Variants in SH3BP1 observed in about 807,000 individuals in gnomAD.
SH3BP1 encodes the protein SH3 domain binding protein 1.
SH3BP1 carries 46 observed loss-of-function variants against 69.8 expected under a neutral mutation model. The ratio of observed to expected loss-of-function variants is 0.66; its 90% CI spans 0.52 to 0.84. The LOEUF (loss-of-function observed/expected upper bound fraction) is 0.84, where lower values mean the gene tolerates loss of function less well. SH3BP1 is among the 40% of genes least tolerant of loss of function. The pLI is 0.00. For synonymous variants in SH3BP1, 403 were observed against 378.0 expected, an observed-to-expected ratio of 1.07 and a Z score of -0.77; for missense variants, 868 against 930.9, an observed-to-expected ratio of 0.93 and a Z score of 0.88.
Position 37,655,570 on chromosome 22 carries a change from C to A in SH3BP1, c.1992C>A (p.Asp664Glu). ...CTTTGAGTAACCCTGCACAGGTGGA[C>A]CTGGGGGCTGCCACAGCAGAGGGAG... ...PVSLSNPAQV[D>E]LGAATAEGGA... The change falls in exon 18 of 18, where the codon GAC becomes GAA. Residue 664 changes from aspartate (D) to glutamate (E), a missense_variant. Asp to Glu is a conservative substitution (Grantham distance 45). Coordinates refer to ENST00000649765, the MANE Select transcript of SH3BP1 (RefSeq NM_018957.6). 1 of 1,591,694 alleles carries A rather than the reference C, an allele frequency of 6.3e-7. No homozygotes were observed. Among genetic ancestry groups the A allele is most frequent in the Non-Finnish European group, 8.5e-7 (1 of 1,169,892 alleles).
intron 1 of SH3BP1, 22 bp from the exon 2 acceptor site, chr22:37,641,104 C>CG (rs1932569974): frequency 1.4e-5 from 18 of 1,286,802 alleles, no homozygotes; most frequent in African/African-American, 4.5e-5. Context: ...ACTCTCCCCC[C>CG]CCCCCCCACC....
intron 11 of SH3BP1, 102 bp from the exon 12 acceptor site, chr22:37,647,165 C>T (rs1932799161): frequency 2.9e-6 from 3 of 1,049,960 alleles, no homozygotes; most frequent in Admixed American, 1.8e-5. Flanking sequence ...AACTGTCAGA[C>T]CTAGACACGT....
chr22:37,647,759 T>A (rs940719649), intron 13 of SH3BP1, among the ~76,000 whole-genome samples: 3 of 151,848 alleles, frequency 2.0e-5, no homozygotes, highest in Non-Finnish European at 4.4e-5. Flanking sequence ...CACTGCAACC[T>A]CCGCCTCCTG....
intron 16 of SH3BP1, among the ~76,000 whole-genome samples, chr22:37,651,946 CAGAGACCCG>C (rs1473742333): frequency 6.6e-6 from 1 of 151,998 alleles, no homozygotes; most frequent in East Asian, 1.9e-4. Flanking sequence ...AACGACCAAG[CAGAGACCCG>C]AAGGCAGTGA....
chr22:37,656,062 GT>G lies in SH3BP1; in HGVS notation c.*382del. 1.5e-6 allele frequency: 2 copies of G among 1,354,502 alleles called. No individual in the cohort carries two copies. Among genetic ancestry groups the G allele is most frequent in the Non-Finnish European group, 1.9e-6 (2 of 1,027,492 alleles). 83.9% of individuals were successfully genotyped at this position (1,354,502 alleles called of 1,614,324 possible). A position where few individuals can be genotyped will look rare whatever the true frequency, so the allele number is the denominator to read the frequency against. ...AACTGGAGCAGCTGCCCAAATGATA[GT>G]TTTATTTTCTGTCCTTGAAATAAAG... On this transcript the variant is annotated 3_prime_UTR_variant, in exon 18 of 18. Transcript: ENST00000649765.
At chr22:37,639,926 T>TGGGGGGTGCGGGGGGG in intron 1 of SH3BP1, 80 bp downstream of exon 1, 3 of 496,948 alleles carry the variant, frequency 6.0e-6, no homozygotes, top group Non-Finnish European at 1.1e-5. Flanking sequence ...GAGACGGGGG[T>TGGGGGGTGCGGGGGGG]GGGGGAGGCT....
At chr22:37,654,721 A>G (rs998804690) in intron 17 of SH3BP1, among the ~76,000 whole-genome samples, 12 of 152,210 alleles carry the variant, frequency 7.9e-5, no homozygotes, top group Non-Finnish European at 1.8e-4. Context: ...ACTGACACTC[A>G]GTGGAGGCAA....
chr22:37,648,592 G>A (rs1932823515), intron 14 of SH3BP1, among the ~76,000 whole-genome samples, 157 bp downstream of exon 14: 1 of 152,158 alleles, frequency 6.6e-6, no homozygotes, highest in Non-Finnish European at 1.5e-5. Flanking sequence ...GGCCAAAGGG[G>A]CTGTGCAGGC....
intron 16 of SH3BP1, among the ~76,000 whole-genome samples, chr22:37,651,648 G>A (rs56283224): frequency 0.067 from 10,253 of 152,020 alleles, 411 homozygotes; most frequent in South Asian, 0.14. Flanking sequence ...CTCTTTGATC[G>A]TTTAAATCTG....
Position 37,648,311 on chromosome 22 carries a change from G to A in SH3BP1, c.1200-8G>A, listed in dbSNP as rs370270108. 67 of 1,575,072 alleles carry A rather than the reference G, an allele frequency of 4.3e-5. No individual in the cohort carries two copies. The highest frequency in any genetic ancestry group is 1.5e-4 in the African/African-American group (11 of 74,546). On this transcript the variant is annotated splice_region_variant and splice_polypyrimidine_tract_variant and intron_variant, in intron 13 of 17. Transcript: ENST00000649765. ...CTGCCCCTGGCCTAAGCCTGCCTCCGCCCTTAGGTACCTGATGAAGTTCCT... is the reference window on the plus strand; with the variant it reads ...CTGCCCCTGGCCTAAGCCTGCCTCCACCCTTAGGTACCTGATGAAGTTCCT...
chr22:37,653,775 G>T lies in SH3BP1; in HGVS notation c.1599-4G>T. On this transcript the variant is annotated splice_polypyrimidine_tract_variant and splice_region_variant and intron_variant, in intron 16 of 17. Coordinates refer to ENST00000649765, the MANE Select transcript of SH3BP1 (RefSeq NM_018957.6). ...TCTGCCCCATCCTCTCCTTCCCTCTGCAGGACAGAGTCTGAGGTGCCTCCC... is the reference window on the plus strand; with the variant it reads ...TCTGCCCCATCCTCTCCTTCCCTCTTCAGGACAGAGTCTGAGGTGCCTCCC... 9 of 1,610,004 alleles carry T rather than the reference G, an allele frequency of 5.6e-6. No individual in the cohort carries two copies. In the South Asian group the frequency reaches 9.9e-5, roughly 18 times the overall value.
chr22:37,642,574 G>C lies in SH3BP1; in HGVS notation c.243G>C (p.Met81Ile). 6.2e-7 allele frequency: 1 copy of C among 1,613,358 alleles called. No individual in the cohort carries two copies. Among genetic ancestry groups the C allele is most frequent in the Non-Finnish European group, 8.5e-7 (1 of 1,179,996 alleles). ...CCCTCATGGCTCTGTCCACCACGAT[G>C]GCTGAGAGCTTCAAGGAGCTGGACC... Reference protein sequence around the residue: ...KLPLMALSTTMAESFKELDPD... With the variant: ...KLPLMALSTTIAESFKELDPD... Residue 81 changes from methionine to isoleucine, a missense_variant, in exon 4 of 18, where the codon ATG (methionine) becomes ATC (isoleucine). Met to Ile is a conservative substitution (Grantham distance 10, BLOSUM62 1). Coordinates refer to ENST00000649765, the MANE Select transcript of SH3BP1 (RefSeq NM_018957.6).
intron 16 of SH3BP1, among the ~76,000 whole-genome samples, chr22:37,651,419 T>G (rs993250053): frequency 1.0e-4 from 15 of 150,436 alleles, no homozygotes; most frequent in Non-Finnish European, 1.8e-4. Context: ...ACTTGCAGCC[T>G]CCCGGGTTCA....
chr22:37,651,898 T>G (rs1932886859), intron 16 of SH3BP1, among the ~76,000 whole-genome samples: 1 of 151,888 alleles, frequency 6.6e-6, no homozygotes, highest in Non-Finnish European at 1.5e-5. Context: ...TGGGGGCTAC[T>G]TTAGCTGTGG....
chr22:37,646,995 C>G, intron 11 of SH3BP1, 66 bp downstream of exon 11: 2 of 1,049,338 alleles, frequency 1.9e-6, no homozygotes, highest in South Asian at 3.2e-5. Flanking sequence ...TTGAAACGAT[C>G]CCAAGATAGC....
rs898394006 is a variant in SH3BP1, at chr22:37,641,110, C to A, written c.60-16C>A. ...AGCAGAAGCACTCTCCCCCCCCCCC[C>A]CACCACTCCCCGCAGCACCCCGGAG... On this transcript the variant is annotated splice_polypyrimidine_tract_variant and intron_variant, in intron 1 of 17. Transcript: ENST00000649765. The A allele has an allele frequency of 2.5e-5, 36 of 1,422,222 alleles. No individual in the cohort carries two copies. The highest frequency in any genetic ancestry group is 7.9e-5 in the South Asian group (6 of 76,160). 88.1% of individuals were successfully genotyped at this position (1,422,222 alleles called of 1,614,324 possible). A position where few individuals can be genotyped will look rare whatever the true frequency, so the allele number is the denominator to read the frequency against.
In SH3BP1 at chr22:37,641,108, CCCCA is replaced by C. The variant is rs1569004564; in HGVS notation, c.60-15_60-12del. 1.4e-5 allele frequency: 19 copies of C among 1,388,426 alleles called. No individual in the cohort carries two copies. In the African/African-American group the frequency reaches 1.6e-4, roughly 12 times the overall value. The allele number at this position is 1,388,426 out of a possible 1,614,324, so 86.0% of individuals were successfully genotyped here. ...TCAGCAGAAGCACTCTCCCCCCCCC[CCCCA>C]CCACTCCCCGCAGCACCCCGGAGAC... On this transcript the variant is annotated splice_polypyrimidine_tract_variant and intron_variant, in intron 1 of 17. Coordinates refer to ENST00000649765, the MANE Select transcript of SH3BP1 (RefSeq NM_018957.6).
rs1042562021 is a variant in SH3BP1, at chr22:37,644,760, C to T, written c.687+55C>T. ...AGAGTTCAGGGGCTGAATGCCAGAGCCAGGGGCCACTGGGGCTCTAAGATG... is the reference window on the plus strand; with the variant it reads ...AGAGTTCAGGGGCTGAATGCCAGAGTCAGGGGCCACTGGGGCTCTAAGATG... On this transcript the variant is annotated intron_variant, in intron 8 of 17. Coordinates refer to ENST00000649765, the MANE Select transcript of SH3BP1 (RefSeq NM_018957.6). 1.1e-5 allele frequency: 17 copies of T among 1,606,788 alleles called. No homozygotes were observed. In the Admixed American group the frequency reaches 2.3e-4, roughly 22 times the overall value.
intron 10 of SH3BP1, 82 bp downstream of exon 10, chr22:37,645,592 G>A (rs1932772322): frequency 6.7e-7 from 1 of 1,493,828 alleles, no homozygotes; most frequent in Non-Finnish European, 9.0e-7. Context: ...CCCTTTCCGG[G>A]TGCCTGTAAT....
Sources: allele counts gnomAD v4.1 joint callset (sites outside exome capture counted in the v4.1 genomes callset), GRCh38; gene constraint gnomAD v4.1.1; transcripts MANE v1.5; gene names NCBI Gene and HGNC (gene_info 2026-07-23, HGNC 2026-07-21).